Variants in RYR2 observed in about 807,000 individuals in gnomAD.
RYR2 encodes the protein cardiac muscle ryanodine receptor-calcium release channel.
A neutral mutation model predicts 601.1 loss-of-function variants in RYR2; 227 were observed. The ratio of observed to expected loss-of-function variants is 0.38; its 90% CI spans 0.34 to 0.42. The LOEUF (loss-of-function observed/expected upper bound fraction) is 0.42, where lower values mean the gene tolerates loss of function less well. Among genes scored for constraint, RYR2 ranks in the 10% least tolerant of loss-of-function variants. RYR2 has a pLI of 1.00. For synonymous variants in RYR2, 2,223 were observed against 2,175.1 expected (o/e 1.02, Z -0.61); for missense variants, 4,646 against 6,156.5 (o/e 0.75, Z 8.21).
intron 1 of RYR2, among the ~76,000 whole-genome samples, chr1:237,057,815 T>C (rs933342538): frequency 6.6e-6 from 1 of 152,200 alleles, no homozygotes; most frequent in African/African-American, 2.4e-5. Flanking sequence ...TCACCATTGT[T>C]GGGCACACGC....
intron 1 of RYR2, among the ~76,000 whole-genome samples, chr1:237,049,670 G>T: frequency 6.6e-6 from 1 of 152,166 alleles, no homozygotes; most frequent in East Asian, 1.9e-4. Flanking sequence ...AACAAGCTTT[G>T]AGCCAGGATT....
chr1:237,400,501 CAA>C (rs1703256985), intron 10 of RYR2, among the ~76,000 whole-genome samples: 2 of 152,242 alleles, frequency 1.3e-5, no homozygotes, highest in East Asian at 3.9e-4. Context: ...ATCTAGCAAG[CAA>C]ATTGGTCCTG....
Position 237,744,349 on chromosome 1 carries a change from T to TAAAAAAAAAA in RYR2, c.11145+2004_11145+2013dup, listed in dbSNP as rs752916603. Among the ~76,000 whole-genome samples, 57 of 141,074 alleles carry TAAAAAAAAAA rather than the reference T, an allele frequency of 4.0e-4. No homozygotes were observed. In the South Asian group the frequency reaches 4.5e-3, roughly 11 times the overall value. The allele number at this position is 141,074 out of a possible 152,430, so 92.6% of individuals were successfully genotyped here. On this transcript the variant is annotated intron_variant, in intron 80 of 104. Transcript: ENST00000366574. ...AAGACTTTAGTTTTGTTTGTTTGTTTAAAAAAAAAAAAAGCTTTTTAGGTG... is the reference window on the plus strand; with the variant it reads ...AAGACTTTAGTTTTGTTTGTTTGTTTAAAAAAAAAAAAAAAAAAAAAAAGCTTTTTAGGTG...
chr1:237,650,708 C>T (rs376700483), intron 50 of RYR2, among the ~76,000 whole-genome samples: 13 of 152,252 alleles, frequency 8.5e-5, no homozygotes, highest in African/African-American at 3.1e-4. Flanking sequence ...TTTGTAACTG[C>T]TCAGGGACTC....
rs138829136 is a variant in RYR2, at chr1:237,815,170, C to G, written c.14434-3866C>G. 3.0e-4 allele frequency among the ~76,000 whole-genome samples: 45 copies of G among 152,164 alleles called. 1 individual carries two copies. The East Asian group carries it at 6.6e-3, about 22-fold the overall frequency. ...TTCTAAATTTTTGTAGGACCAGGCA[C>G]CTTCCTTCCTCATTACTCAGATTGT... On this transcript the variant is annotated intron_variant, in intron 100 of 104. Coordinates refer to ENST00000366574, the MANE Select transcript of RYR2 (RefSeq NM_001035.3).
At chr1:237,691,784 A>T (rs562665614) in intron 63 of RYR2, among the ~76,000 whole-genome samples, 1 of 152,318 alleles carries the variant, frequency 6.6e-6, no homozygotes, top group East Asian at 1.9e-4. Flanking sequence ...TCCCTGTTTG[A>T]ATTCTGAAAT....
At chr1:237,456,499 G>T in intron 15 of RYR2, 101 bp from the exon 16 acceptor site, 1 of 1,285,406 alleles carries the variant, frequency 7.8e-7, no homozygotes, top group Non-Finnish European at 1.0e-6. Context: ...TGAACCTTCA[G>T]TCAGACTTCT....
At chr1:237,700,046 T>C (rs1393204140) in intron 64 of RYR2, among the ~76,000 whole-genome samples, 183 bp from the exon 65 acceptor site, 1 of 152,200 alleles carries the variant, frequency 6.6e-6, no homozygotes, top group Non-Finnish European at 1.5e-5. Flanking sequence ...AAAAGATAAT[T>C]TACAGAGCAG....
At chr1:237,584,802 A>G (rs1444709754) in intron 29 of RYR2, among the ~76,000 whole-genome samples, 4 of 151,978 alleles carry the variant, frequency 2.6e-5, no homozygotes, top group Non-Finnish European at 4.4e-5. Context: ...TTGGGACCAC[A>G]GGCACATGCC....
intron 25 of RYR2, among the ~76,000 whole-genome samples, chr1:237,541,491 T>C (rs1002342429): frequency 3.3e-5 from 5 of 152,208 alleles, no homozygotes; most frequent in African/African-American, 1.2e-4. Context: ...TCCTACTTTA[T>C]TTTTCTTCAT....
At chr1:237,623,279 T>C (rs1201124786) in intron 38 of RYR2, among the ~76,000 whole-genome samples, 4 of 152,068 alleles carry the variant, frequency 2.6e-5, no homozygotes, top group Admixed American at 1.3e-4. Context: ...GATTGTGTGA[T>C]GGACACCTGT....
At chr1:237,329,641 CAA>C (rs1186753825) in intron 2 of RYR2, among the ~76,000 whole-genome samples, 2 of 113,380 alleles carry the variant, frequency 1.8e-5, no homozygotes, top group African/African-American at 3.3e-5. Flanking sequence ...GACTCCGTCT[CAA>C]AAAAAAAAAA....
intron 1 of RYR2, among the ~76,000 whole-genome samples, chr1:237,230,870 AG>A: frequency 6.8e-6 from 1 of 146,742 alleles, no homozygotes; most frequent in East Asian, 2.0e-4. Flanking sequence ...TGGGGCTTGC[AG>A]TGAGCTGAGA....
chr1:237,634,792 G>A (rs1242172945), intron 43 of RYR2, 97 bp from the exon 44 acceptor site: 14 of 868,436 alleles, frequency 1.6e-5, no homozygotes, highest in Non-Finnish European at 2.4e-5. Context: ...TATGGATGGT[G>A]TTTAGAAATT....
chr1:237,816,550 A>G (rs1661853923), intron 100 of RYR2, among the ~76,000 whole-genome samples: 1 of 152,066 alleles, frequency 6.6e-6, no homozygotes, highest in Non-Finnish European at 1.5e-5. Context: ...TTAGCTGGGC[A>G]TGGTGGCGGA....
intron 79 of RYR2, among the ~76,000 whole-genome samples, chr1:237,734,123 G>T (rs766044853): frequency 1.3e-5 from 2 of 152,176 alleles, no homozygotes; most frequent in Non-Finnish European, 1.5e-5. Context: ...TAATGGCAGA[G>T]AAATGTATCC....
rs751521335 is a variant in RYR2 at position 237,793,944 on chromosome 1, G to A, written c.13860G>A (p.Gln4620=). ...TTGATGGGCTTTATATTACAGAACA[G>A]CCTTCAGAAGATGATATTAAAGGCC... ...LEFDGLYITE[Q]PSEDDIKGQW... The change falls in exon 95 of 105, where the codon CAG becomes CAA. Residue 4620 remains glutamine (Q), a synonymous_variant. Transcript: ENST00000366574. 9 of 1,611,926 alleles carry A rather than the reference G, an allele frequency of 5.6e-6. No homozygotes were observed. The highest frequency in any genetic ancestry group is 7.6e-6 in the Non-Finnish European group (9 of 1,178,192).
intron 1 of RYR2, among the ~76,000 whole-genome samples, chr1:237,163,057 A>G (rs1352860988): frequency 6.6e-6 from 1 of 152,150 alleles, no homozygotes. Context: ...AGAGACGGAG[A>G]GGTTGAACAA....
At chr1:237,256,103 T>C (rs771862961) in intron 1 of RYR2, among the ~76,000 whole-genome samples, 2 of 152,060 alleles carry the variant, frequency 1.3e-5, no homozygotes, top group Non-Finnish European at 2.9e-5. Flanking sequence ...TGGGAGATAA[T>C]TGAATCATAG....
Sources: allele counts gnomAD v4.1 joint callset (sites outside exome capture counted in the v4.1 genomes callset), GRCh38; gene constraint gnomAD v4.1.1; transcripts MANE v1.5; gene names NCBI Gene and HGNC (gene_info 2026-07-23, HGNC 2026-07-21).